The following SH3BGRL variants were observed in gnomAD, a reference collection of about 807,000 sequenced individuals.
SH3BGRL encodes SH3 domain binding glutamate rich protein like, also known as adapter SH3BGRL.
SH3BGRL carries 7 observed loss-of-function variants against 9.8 expected under a neutral mutation model. The ratio of observed to expected loss-of-function variants is 0.72; its 90% CI spans 0.41 to 1.35. The LOEUF is 1.35. Among genes scored for constraint, SH3BGRL ranks in the 40% most tolerant of loss-of-function variants. The pLI is 0.01. For missense variants in SH3BGRL, 73 were observed against 84.4 expected, an observed-to-expected ratio of 0.86 and a Z score of 0.53; for synonymous variants, 36 against 29.1, an observed-to-expected ratio of 1.24 and a Z score of -0.76.
chrX:81,262,103 C>T (rs1178987505), intron 1 of SH3BGRL, among the ~76,000 whole-genome samples: 1 of 111,275 alleles, frequency 9.0e-6, no homozygotes, highest in Non-Finnish European at 1.9e-5. Flanking sequence ...ATTACAGCCA[C>T]CTTACTTTTC....
chrX:81,266,645 C>T (rs989227278), intron 1 of SH3BGRL, among the ~76,000 whole-genome samples: 5 of 111,599 alleles, frequency 4.5e-5, no homozygotes, highest in African/African-American at 1.6e-4. Context: ...AGTGTGATGC[C>T]TTCAGATTTG....
chrX:81,207,539 C>T (rs771491196), intron 1 of SH3BGRL, among the ~76,000 whole-genome samples: 7 of 112,020 alleles, frequency 6.2e-5, no homozygotes, highest in Non-Finnish European at 1.3e-4. Context: ...GTACTTTAGG[C>T]GCAGAATGTT....
chrX:81,274,384 G>A (rs2075790738), intron 1 of SH3BGRL, among the ~76,000 whole-genome samples: 1 of 110,699 alleles, frequency 9.0e-6, no homozygotes, highest in African/African-American at 3.3e-5. Flanking sequence ...AGGCCAAGTT[G>A]GACAGATCAT....
At chrX:81,214,223 G>A (rs1270960105) in intron 1 of SH3BGRL, among the ~76,000 whole-genome samples, 1 of 111,529 alleles carries the variant, frequency 9.0e-6, no homozygotes, top group Non-Finnish European at 1.9e-5. Flanking sequence ...TCAAAATAAG[G>A]AAATGATTAG....
chrX:81,218,313 TTG>T (rs1182470759), intron 1 of SH3BGRL, among the ~76,000 whole-genome samples: 4 of 110,256 alleles, frequency 3.6e-5, no homozygotes, highest in African/African-American at 1.3e-4. Context: ...TTTTTTAAAA[TTG>T]TGTTATTGTT....
chrX:81,278,227 T>C (rs772124132), intron 2 of SH3BGRL, 104 bp from the exon 3 acceptor site: 2 of 536,270 alleles, frequency 3.7e-6, no homozygotes, highest in Admixed American at 8.3e-5. Context: ...CCTCCCAAAG[T>C]GTTGGGATTA....
intron 1 of SH3BGRL, among the ~76,000 whole-genome samples, chrX:81,231,979 C>T (rs1047328009): frequency 3.6e-5 from 4 of 111,087 alleles, no homozygotes; most frequent in Non-Finnish European, 5.7e-5. Flanking sequence ...TACACACACA[C>T]GTATATGTAT....
intron 1 of SH3BGRL, among the ~76,000 whole-genome samples, chrX:81,268,001 G>A (rs767600062): frequency 5.4e-5 from 6 of 111,702 alleles, no homozygotes; most frequent in Admixed American, 1.9e-4. Context: ...GTTTATTTTC[G>A]TAGAGGTGTT....
At chrX:81,294,332 G>A (rs924338810) in intron 3 of SH3BGRL, among the ~76,000 whole-genome samples, 1 of 109,966 alleles carries the variant, frequency 9.1e-6, no homozygotes, top group Non-Finnish European at 1.9e-5. Flanking sequence ...TCTGCATACT[G>A]TGTGCAGTGT....
rs367895541 is a variant in SH3BGRL at position 81,234,501 on chromosome X, T to C, written c.45+32256T>C. On this transcript the variant is annotated intron_variant, in intron 1 of 3. Coordinates refer to ENST00000373212, the MANE Select transcript of SH3BGRL (RefSeq NM_003022.3). ...TGTGATTGTTAATTACATTTCTTTA[T>C]GATTTGTGTTACAGCAAAATGTTCT... 6.0e-4 allele frequency among the ~76,000 whole-genome samples: 67 copies of C among 112,374 alleles called. No individual in the cohort carries two copies. In the South Asian group the frequency reaches 0.024, roughly 41 times the overall value.
rs1314203502 is a variant in SH3BGRL, at chrX:81,272,222, T to C, written c.46-4762T>C. On this transcript the variant is annotated intron_variant, in intron 1 of 3. Transcript: ENST00000373212. ...AAAAAAAAAAAAAAAAGGAAGACAA[T>C]AGTTTAGTAGGTCGTGGCAGTATTC... 8.0e-5 allele frequency among the ~76,000 whole-genome samples: 8 copies of C among 99,791 alleles called. No individual in the cohort carries two copies. In the East Asian group the frequency reaches 2.6e-3, roughly 32 times the overall value. The allele number at this position is 99,791 out of a possible 115,157, so 86.7% of individuals were successfully genotyped here. A position where few individuals can be genotyped will look rare whatever the true frequency, so the allele number is the denominator to read the frequency against.
At chrX:81,287,959 AAGAAAGAAAGAAAGAAAGAAAG>A (rs2075841679) in intron 3 of SH3BGRL, among the ~76,000 whole-genome samples, 1 of 101,678 alleles carries the variant, frequency 9.8e-6, no homozygotes, top group South Asian at 4.0e-4. Context: ...GAAGGAAGGA[AAGAAAGAAAGAAAGAAAGAAAG>A]AGAAAGAAAG....
intron 1 of SH3BGRL, among the ~76,000 whole-genome samples, chrX:81,262,908 A>G (rs5959863): frequency 8.9e-6 from 1 of 111,850 alleles, no homozygotes; most frequent in African/African-American, 3.3e-5. Flanking sequence ...TGTGGTGAGC[A>G]CTATATGGGG....
chrX:81,255,789 A>T (rs1212138546), intron 1 of SH3BGRL: 2 of 112,410 alleles, frequency 1.8e-5, no homozygotes, highest in East Asian at 5.5e-4. Flanking sequence ...TTTTGAGTTT[A>T]AAAAAGCCAT....
intron 1 of SH3BGRL, among the ~76,000 whole-genome samples, chrX:81,225,963 T>G (rs1402469836): frequency 1.8e-5 from 2 of 111,347 alleles, no homozygotes; most frequent in Non-Finnish European, 3.8e-5. Context: ...TTTTTATTAG[T>G]ACAATATATC....
At chrX:81,278,095 G>A (rs564795232) in intron 2 of SH3BGRL, among the ~76,000 whole-genome samples, 1 of 111,314 alleles carries the variant, frequency 9.0e-6, no homozygotes, top group Non-Finnish European at 1.9e-5. Flanking sequence ...TCCAAGTAGC[G>A]GGGATTACAG....
In SH3BGRL at chrX:81,202,209, C is replaced by T. The variant is rs1177037791; in HGVS notation, c.9C>T (p.Ile3=). Residue 3 remains isoleucine, a synonymous_variant, in exon 1 of 4, where the codon ATC becomes ATT. Transcript: ENST00000373212. MV[I]RVYIASSSGS... is the part of the protein sequence containing the mutation. ...CAGCCGCTGTTCCCAGGATGGTGAT[C>T]CGTGTATATATTGCATCTTCCTCTG... 1 of 1,207,000 alleles carries T rather than the reference C, an allele frequency of 8.3e-7. No homozygotes were observed. The highest frequency in any genetic ancestry group is 1.1e-6 in the Non-Finnish European group (1 of 893,809).
chrX:81,227,537 G>C (rs2075621044), intron 1 of SH3BGRL, among the ~76,000 whole-genome samples: 1 of 111,259 alleles, frequency 9.0e-6, no homozygotes. Flanking sequence ...ACTGTTGACT[G>C]CTTCCTAGCC....
intron 1 of SH3BGRL, among the ~76,000 whole-genome samples, chrX:81,243,310 A>G (rs748531722): frequency 3.6e-4 from 40 of 112,375 alleles, no homozygotes; most frequent in Non-Finnish European, 6.6e-4. Flanking sequence ...ATGTGTTCTC[A>G]TTTATTTGTG....
Sources: gnomAD v4.1 joint callset for allele counts (sites outside exome capture counted in the v4.1 genomes callset) on GRCh38, gnomAD v4.1.1 for gene constraint, MANE v1.5 for transcripts, NCBI Gene and HGNC (gene_info 2026-07-23, HGNC 2026-07-21) for gene names.